Variants in ICE1 observed in about 807,000 individuals in gnomAD.
ICE1 encodes the protein little elongation complex subunit 1.
Under a neutral mutation model 192.7 loss-of-function variants are expected in ICE1, and 64 were observed. The ratio of observed to expected loss-of-function variants is 0.33; its 90% CI spans 0.27 to 0.41. The LOEUF (loss-of-function observed/expected upper bound fraction) is 0.41. ICE1 is among the 10% of genes least tolerant of loss of function. ICE1 has a pLI of 1.00. For missense variants in ICE1, 2,708 were observed against 2,696.0 expected, an observed-to-expected ratio of 1.00 and a Z score of -0.10; for synonymous variants, 1,010 against 984.5, an observed-to-expected ratio of 1.03 and a Z score of -0.49.
chr5:5,477,647 A>T (rs1003430839), intron 17 of ICE1, among the ~76,000 whole-genome samples: 1 of 152,256 alleles, frequency 6.6e-6, no homozygotes, highest in Admixed American at 6.5e-5. Context: ...TGAGGCCAGC[A>T]TCATCCTGAT....
intron 3 of ICE1, chr5:5,437,343 C>T (rs1737898282): frequency 2.4e-6 from 1 of 425,244 alleles, no homozygotes; most frequent in African/African-American, 2.0e-5. Flanking sequence ...TTGTGATTTT[C>T]TTAACGTCTC....
intron 3 of ICE1, among the ~76,000 whole-genome samples, chr5:5,439,280 T>G (rs190427245): frequency 6.6e-6 from 1 of 152,298 alleles, no homozygotes; most frequent in Admixed American, 6.5e-5. Context: ...ATGCACACGT[T>G]TTTATGAACG....
At chr5:5,477,905 C>T (rs894689393) in intron 17 of ICE1, among the ~76,000 whole-genome samples, 15 of 152,098 alleles carry the variant, frequency 9.9e-5, no homozygotes, top group Admixed American at 1.3e-4. Context: ...CAATAGATAC[C>T]GAAAAGGCCT....
chr5:5,427,509 A>G (rs958233685), intron 1 of ICE1, among the ~76,000 whole-genome samples: 3 of 152,228 alleles, frequency 2.0e-5, no homozygotes, highest in East Asian at 1.9e-4. Context: ...TTTGAAACAC[A>G]TGATTATATT....
intron 7 of ICE1, among the ~76,000 whole-genome samples, chr5:5,445,682 A>G (rs1579549602): frequency 6.6e-6 from 1 of 151,694 alleles, no homozygotes. Flanking sequence ...CTAAAGTGCT[A>G]GGATTACAGG....
At chr5:5,474,373 G>T (rs1215826577) in intron 16 of ICE1, among the ~76,000 whole-genome samples, 1 of 152,158 alleles carries the variant, frequency 6.6e-6, no homozygotes, top group Non-Finnish European at 1.5e-5. Context: ...TGGTTGGCTT[G>T]TGGCGTATCC....
intron 14 of ICE1, 40 bp downstream of exon 14, chr5:5,466,542 G>A (rs748715886): frequency 5.9e-6 from 9 of 1,531,216 alleles, no homozygotes; most frequent in African/African-American, 2.8e-5. Flanking sequence ...GAAAATATAC[G>A]ATTGCCTTTT....
chr5:5,422,889 G>A lies in ICE1; in HGVS notation c.-27G>A. 8.9e-6 allele frequency: 12 copies of A among 1,355,670 alleles called. No individual in the cohort carries two copies. Among genetic ancestry groups the A allele is most frequent in the Non-Finnish European group, 1.1e-5 (12 of 1,054,690 alleles). The allele number at this position is 1,355,670 out of a possible 1,614,324, so 84.0% of individuals were successfully genotyped here. A position where few individuals can be genotyped will look rare whatever the true frequency, so the allele number is the denominator to read the frequency against. On this transcript the variant is annotated 5_prime_UTR_variant, in exon 1 of 19. The change creates a new upstream start codon in the 5' untranslated region. Coordinates refer to ENST00000296564, the MANE Select transcript of ICE1 (RefSeq NM_015325.3). Reference sequence around the variant, plus strand: ...GACGCCGCGGGCCCCTGAGGCGTGCGTGCCCACCGGGCCCGGCGGCGGCAC... The same window carrying A: ...GACGCCGCGGGCCCCTGAGGCGTGCATGCCCACCGGGCCCGGCGGCGGCAC...
At chr5:5,450,051 C>T (rs1738367384) in intron 10 of ICE1, among the ~76,000 whole-genome samples, 1 of 152,092 alleles carries the variant, frequency 6.6e-6, no homozygotes, top group Admixed American at 6.6e-5. Context: ...CTTTGTCTGC[C>T]AAAGATGTTC....
chr5:5,462,528 G>T lies in ICE1; in HGVS notation c.3194G>T (p.Gly1065Val). Residue 1065 changes from glycine (G) to valine (V), a missense_variant, in exon 13 of 19, where the codon GGC becomes GTC. By Grantham distance (109) the Gly-to-Val change is moderately radical (BLOSUM62 -3). Transcript: ENST00000296564. ...TPGGALPECF[G>V]TTDTTFSSAF... ...GGTGGTGCTTTGCCTGAGTGTTTTG[G>T]CACCACAGACACTACTTTTTCTTCA... 2 of 1,613,974 alleles carry T rather than the reference G, an allele frequency of 1.2e-6. No individual in the cohort carries two copies. The highest frequency in any genetic ancestry group is 1.7e-6 in the Non-Finnish European group (2 of 1,179,880).
intron 1 of ICE1, among the ~76,000 whole-genome samples, chr5:5,425,843 T>C (rs1022401819): frequency 5.9e-5 from 9 of 152,096 alleles, no homozygotes; most frequent in Non-Finnish European, 4.4e-5. Context: ...TCTGAAGTAA[T>C]TGAAGGTTCC....
rs2560300 is a variant in ICE1 at position 5,448,482 on chromosome 5, C to G, written c.604+585C>G. Among the ~76,000 whole-genome samples the G allele has an allele frequency of 8.2e-4, 124 of 152,054 alleles. No homozygotes were observed. In the Middle Eastern group the frequency reaches 0.014, roughly 17 times the overall value. On this transcript the variant is annotated intron_variant, in intron 10 of 18. Coordinates refer to ENST00000296564, the MANE Select transcript of ICE1 (RefSeq NM_015325.3). ...AGGTGAGAAATGAGAATTTTCACTT[C>G]CATCCTTCCATTTGTTGTGTGACTC...
intron 15 of ICE1, among the ~76,000 whole-genome samples, chr5:5,469,932 C>CAT (rs900681049): frequency 1.6e-4 from 24 of 152,262 alleles, no homozygotes; most frequent in Admixed American, 1.3e-3. Flanking sequence ...CCAGCAACCA[C>CAT]ATATATATCT....
intron 17 of ICE1, among the ~76,000 whole-genome samples, chr5:5,480,897 T>C (rs1739485207): frequency 1.3e-5 from 2 of 152,164 alleles, no homozygotes; most frequent in African/African-American, 4.8e-5. Context: ...CATCAGAAGA[T>C]AAGCAGAGGC....
intron 1 of ICE1, among the ~76,000 whole-genome samples, chr5:5,430,025 A>G (rs1737652100): frequency 6.6e-6 from 1 of 152,244 alleles, no homozygotes; most frequent in African/African-American, 2.4e-5. Context: ...TGAACTTTCC[A>G]ATAGACTATA....
chr5:5,426,779 G>T (rs865942327), intron 1 of ICE1, among the ~76,000 whole-genome samples: 29 of 152,220 alleles, frequency 1.9e-4, no homozygotes, highest in African/African-American at 7.0e-4. Flanking sequence ...TCAATTAGTA[G>T]ATAACCGCTT....
At chr5:5,482,012 A>G (rs1208523904) in intron 17 of ICE1, among the ~76,000 whole-genome samples, 1 of 152,236 alleles carries the variant, frequency 6.6e-6, no homozygotes, top group Admixed American at 6.5e-5. Flanking sequence ...CTGTGACTGT[A>G]CTTTACCTTT....
chr5:5,423,058 C>T, intron 1 of ICE1, 59 bp downstream of exon 1: 5 of 1,216,942 alleles, frequency 4.1e-6, no homozygotes, highest in Non-Finnish European at 5.3e-6. Flanking sequence ...CGGCCGGGAG[C>T]GCAGGGATGT....
intron 1 of ICE1, among the ~76,000 whole-genome samples, 189 bp from the exon 2 acceptor site, chr5:5,436,229 A>G (rs902591116): frequency 6.6e-6 from 1 of 152,192 alleles, no homozygotes; most frequent in African/African-American, 2.4e-5. Context: ...GAGTACTATC[A>G]TTCAGATAAA....
Sources: allele counts gnomAD v4.1 joint callset (sites outside exome capture counted in the v4.1 genomes callset), GRCh38; gene constraint gnomAD v4.1.1; transcripts MANE v1.5; gene names NCBI Gene and HGNC (gene_info 2026-07-23, HGNC 2026-07-21).